UGT3A1: variants seen among roughly 807,000 people sequenced by gnomAD.
The protein encoded by UGT3A1 is UDP-glycosyltransferase 3A1.
A neutral mutation model predicts 37.6 loss-of-function variants in UGT3A1; 40 were observed. The observed-to-expected ratio is 1.06, with a 90% CI of 0.83 to 1.38. The LOEUF is 1.38. Ranked by LOEUF, UGT3A1 falls within the 40% of genes most tolerant of loss-of-function variation. The probability of loss-of-function intolerance (pLI) is 0.00; values close to 1 mark genes in which losing one functional copy is unlikely to be tolerated. For synonymous variants in UGT3A1, 256 were observed against 232.3 expected (o/e 1.10, Z -0.93); for missense variants, 642 against 634.2 (o/e 1.01, Z -0.13).
At chr5:35,966,034 C>T in intron 3 of UGT3A1, 117 bp from the exon 4 acceptor site, 1 of 776,430 alleles carries the variant, frequency 1.3e-6, no homozygotes, top group Non-Finnish European at 1.9e-6. Flanking sequence ...CAGTATCCAT[C>T]AACCCATTCT....
intron 2 of UGT3A1, among the ~76,000 whole-genome samples, chr5:35,974,236 C>T (rs1740167331): frequency 6.6e-6 from 1 of 152,140 alleles, no homozygotes; most frequent in South Asian, 2.1e-4. Flanking sequence ...GACTGCTGAA[C>T]ATTGGACCTT....
At chr5:35,982,117 T>C (rs1032969162) in intron 2 of UGT3A1, among the ~76,000 whole-genome samples, 12 of 152,216 alleles carry the variant, frequency 7.9e-5, no homozygotes, top group Non-Finnish European at 1.2e-4. Context: ...TATATGAAAA[T>C]GCCTTCATGT....
At chr5:35,997,754 C>T (rs1372278491) in intron 1 of UGT3A1, among the ~76,000 whole-genome samples, 1 of 152,150 alleles carries the variant, frequency 6.6e-6, no homozygotes, top group Non-Finnish European at 1.5e-5. Flanking sequence ...CAGGGCTCAA[C>T]ACTCATCCAG....
Position 35,991,203 on chromosome 5 carries a change from A to G in UGT3A1, c.38T>C (p.Leu13Pro). Reference sequence around the variant, plus strand: ...CTCTGAGAGCAGGACCCCAGAAAGAAGGAAGGCCACTAGAAGCAGCACCCG... The same window carrying G: ...CTCTGAGAGCAGGACCCCAGAAAGAGGGAAGGCCACTAGAAGCAGCACCCG... ...GQRVLLLVAFLLSGVLLSEAA... is the reference protein window; with the variant it reads ...GQRVLLLVAFPLSGVLLSEAA... Residue 13 changes from leucine to proline, a missense_variant, in exon 1 of 7, where the codon CTT (leucine) becomes CCT (proline). Leu to Pro is a moderately conservative substitution (Grantham distance 98). Coordinates refer to ENST00000274278, the MANE Select transcript of UGT3A1 (RefSeq NM_152404.4). 6.2e-7 allele frequency: 1 copy of G among 1,614,240 alleles called. No homozygotes were observed. Among genetic ancestry groups the G allele is most frequent in the Non-Finnish European group, 8.5e-7 (1 of 1,180,034 alleles).
chr5:35,954,743 C>G (rs1739289393), intron 6 of UGT3A1: 2 of 508,944 alleles, frequency 3.9e-6, no homozygotes, highest in African/African-American at 1.9e-5. Context: ...TCTCTAAGAA[C>G]TAGTCCATAT....
In UGT3A1 at chr5:35,964,394, G is replaced by C. The variant is rs182422598; in HGVS notation, c.843+992C>G. Among the ~76,000 whole-genome samples, 251 of 152,048 alleles carry C rather than the reference G, an allele frequency of 1.7e-3. 4 individuals carry two copies. The highest frequency in any genetic ancestry group is 0.015 in the East Asian group (76 of 5,150). On this transcript the variant is annotated intron_variant, in intron 4 of 6. Coordinates refer to ENST00000274278, the MANE Select transcript of UGT3A1 (RefSeq NM_152404.4). ...ATCTCACTTGCACCTCCACATGTTA[G>C]GTCCCCCGCTCCCTGACCTGGGGTG...
rs555449992 is a variant in UGT3A1, at chr5:35,965,451, G to A, written c.778C>T (p.Pro260Ser). 2.0e-5 allele frequency: 33 copies of A among 1,614,182 alleles called. No homozygotes were observed. The highest frequency in any genetic ancestry group is 1.6e-4 in the Middle Eastern group (1 of 6,062). Residue 260 changes from proline to serine, a missense_variant, in exon 4 of 7, where the codon CCC (proline) becomes TCC (serine). Coordinates refer to ENST00000274278, the MANE Select transcript of UGT3A1 (RefSeq NM_152404.4). ...ATATAAACAGTGTTGGGAAGCAGGG[G>A]CCGGGCAAAATCAAAGGCAAAATCA... ...NSDFAFDFAR[P>S]LLPNTVYIGG...
intron 2 of UGT3A1, among the ~76,000 whole-genome samples, chr5:35,972,737 G>A (rs1039926838): frequency 2.6e-5 from 4 of 152,112 alleles, no homozygotes; most frequent in Admixed American, 2.0e-4. Context: ...AATGTTCTGG[G>A]ATATTTATAT....
chr5:35,976,524 C>A (rs896462887), intron 2 of UGT3A1, among the ~76,000 whole-genome samples: 2 of 152,158 alleles, frequency 1.3e-5, no homozygotes, highest in South Asian at 2.1e-4. Context: ...TCAGCCACTG[C>A]ACTTCTAGTT....
chr5:35,983,432 C>T (rs1740608237), intron 2 of UGT3A1, among the ~76,000 whole-genome samples: 1 of 151,918 alleles, frequency 6.6e-6, no homozygotes, highest in Admixed American at 6.6e-5. Flanking sequence ...AAGAAAAGCC[C>T]AAAACCTGAT....
chr5:35,999,407 C>A (rs1232168696), intron 1 of UGT3A1, among the ~76,000 whole-genome samples: 1 of 152,142 alleles, frequency 6.6e-6, no homozygotes, highest in Non-Finnish European at 1.5e-5. Context: ...AAGCCACCAG[C>A]ACCAATCCAG....
At chr5:35,962,940 T>C (rs1580924473) in intron 4 of UGT3A1, 1 of 702,808 alleles carries the variant, frequency 1.4e-6, no homozygotes. Context: ...TGAAGAGAGC[T>C]GGTTGCCCAT....
chr5:35,965,764 A>T lies in UGT3A1; in HGVS notation c.465T>A (p.Ala155=), dbSNP rs1465498404. The T allele has an allele frequency of 5.0e-6, 8 of 1,614,230 alleles. No homozygotes were observed. Among genetic ancestry groups the T allele is most frequent in the African/African-American group, 1.3e-5 (1 of 75,054 alleles). The change falls in exon 4 of 7, where the codon GCT becomes GCA. Residue 155 remains alanine (A), a synonymous_variant. Coordinates refer to ENST00000274278, the MANE Select transcript of UGT3A1 (RefSeq NM_152404.4). ...EAFDFCSFLI[A]EKLVKPFVAI... The stretch of plus-strand genomic sequence containing the variant: ...CCACAAATGGTTTCACAAGCTTCTC[A>T]GCAATCAGGAAAGAACAGAAATCAA...
At chr5:35,986,165 A>G (rs932476186) in intron 2 of UGT3A1, among the ~76,000 whole-genome samples, 3 of 152,178 alleles carry the variant, frequency 2.0e-5, no homozygotes, top group Non-Finnish European at 4.4e-5. Flanking sequence ...AATGGCTTTT[A>G]TCTGAAAAAC....
At chr5:35,990,092 A>AG (rs1322319084) in intron 1 of UGT3A1, among the ~76,000 whole-genome samples, 1 of 128,524 alleles carries the variant, frequency 7.8e-6, no homozygotes, top group African/African-American at 3.6e-5. Context: ...ACTCCGTCTC[A>AG]AAAAAAAAAA....
chr5:35,988,336 T>G (rs1740803122), intron 2 of UGT3A1, 114 bp downstream of exon 2: 1 of 707,652 alleles, frequency 1.4e-6, no homozygotes, highest in South Asian at 2.2e-5. Flanking sequence ...CATTTATTCA[T>G]CCCGAAATAA....
intron 4 of UGT3A1, 54 bp from the exon 5 acceptor site, chr5:35,957,473 T>C (rs1430303504): frequency 6.9e-7 from 1 of 1,450,810 alleles, no homozygotes; most frequent in Non-Finnish European, 9.5e-7. Flanking sequence ...CGCCTAAGTG[T>C]CCATGAAATG....
At chr5:35,964,588 C>G (rs967126410) in intron 4 of UGT3A1, among the ~76,000 whole-genome samples, 16 of 152,162 alleles carry the variant, frequency 1.1e-4, no homozygotes, top group African/African-American at 3.9e-4. Context: ...CTCGTGGCCT[C>G]TGCACTACAC....
intron 2 of UGT3A1, among the ~76,000 whole-genome samples, chr5:35,975,326 C>T (rs1255750763): frequency 6.6e-6 from 1 of 152,244 alleles, no homozygotes; most frequent in Admixed American, 6.5e-5. Context: ...TGATTAGCAT[C>T]ATTCCTCAGG....
Sources: gnomAD v4.1 joint callset for allele counts (sites outside exome capture counted in the v4.1 genomes callset) on GRCh38, gnomAD v4.1.1 for gene constraint, MANE v1.5 for transcripts, NCBI Gene and HGNC (gene_info 2026-07-23, HGNC 2026-07-21) for gene names.